CSMD2: variants seen among roughly 807,000 people sequenced by gnomAD.
CSMD2 encodes the protein CUB and sushi domain-containing protein 2.
A neutral mutation model predicts 398.5 loss-of-function variants in CSMD2; 130 were observed. That is an observed-to-expected ratio of 0.33 (90% CI 0.28 to 0.38). CSMD2 has a LOEUF of 0.38. CSMD2 is among the 10% of genes least tolerant of loss of function. The pLI is 1.00. For missense variants in CSMD2, 3,829 were observed against 4,764.9 expected, an observed-to-expected ratio of 0.80 and a Z score of 5.78; for synonymous variants, 1,828 against 1,908.5, an observed-to-expected ratio of 0.96 and a Z score of 1.10.
intron 4 of CSMD2, among the ~76,000 whole-genome samples, chr1:33,932,869 C>G (rs1270351286): frequency 2.6e-5 from 4 of 152,190 alleles, no homozygotes; most frequent in African/African-American, 9.7e-5. Flanking sequence ...AAACCAGGCT[C>G]TTGTGCCTAA....
intron 10 of CSMD2, among the ~76,000 whole-genome samples, chr1:33,799,130 T>C (rs1348270908): frequency 6.6e-6 from 1 of 152,248 alleles, no homozygotes; most frequent in Non-Finnish European, 1.5e-5. Flanking sequence ...ACCAAATCTG[T>C]CCTATAGCCT....
intron 10 of CSMD2, among the ~76,000 whole-genome samples, chr1:33,806,898 A>G (rs145517032): frequency 4.1e-4 from 62 of 152,330 alleles, no homozygotes; most frequent in African/African-American, 1.4e-3. Context: ...AGAAAGATGA[A>G]CATATCTTGT....
chr1:33,928,077 T>A (rs1157629334), intron 4 of CSMD2, among the ~76,000 whole-genome samples: 1 of 152,192 alleles, frequency 6.6e-6, no homozygotes, highest in African/African-American at 2.4e-5. Flanking sequence ...CCCTGAACCA[T>A]CAGGCTGGAG....
Position 33,533,315 on chromosome 1 carries a change from A to C in CSMD2, c.9992-86T>G. 2.5e-6 allele frequency: 3 copies of C among 1,201,902 alleles called. No homozygotes were observed. The highest frequency in any genetic ancestry group is 1.5e-5 in the African/African-American group (1 of 65,692). 74.5% of individuals were successfully genotyped at this position (1,201,902 alleles called of 1,614,324 possible). A position where few individuals can be genotyped will look rare whatever the true frequency, so the allele number is the denominator to read the frequency against. ...GACCATTCCCCTGTTCCTAGATAGAATATCCTCTTCCTTTCCCTTCCAGTC... is the reference window on the plus strand; with the variant it reads ...GACCATTCCCCTGTTCCTAGATAGACTATCCTCTTCCTTTCCCTTCCAGTC... On this transcript the variant is annotated intron_variant, in intron 63 of 70. Transcript: ENST00000373381. This position sits in a 1 kb window ranked among gnomAD's most constrained non-coding sequence, Gnocchi z 4.2.
chr1:34,102,602 T>TGCTGG (rs1558390301), intron 1 of CSMD2, among the ~76,000 whole-genome samples: 1 of 81,864 alleles, frequency 1.2e-5, no homozygotes, highest in Admixed American at 1.5e-4. Context: ...AATCCGGCCA[T>TGCTGG]ATCCCTGTGA....
chr1:33,940,235 T>C (rs187847622), intron 3 of CSMD2, among the ~76,000 whole-genome samples: 80 of 152,212 alleles, frequency 5.3e-4, no homozygotes, highest in African/African-American at 1.9e-3. Context: ...ATGTCCCTTT[T>C]TTATAAGGAC....
At chr1:33,743,237 ACACT>A (rs1647143530) in intron 14 of CSMD2, 39 bp downstream of exon 14, 2 of 1,507,566 alleles carry the variant, frequency 1.3e-6, no homozygotes, top group African/African-American at 2.8e-5. Context: ...TCAGAGGCAG[ACACT>A]CAGATGGAGG....
intron 48 of CSMD2, among the ~76,000 whole-genome samples, chr1:33,579,853 A>G (rs1271138105): frequency 6.6e-6 from 1 of 151,792 alleles, no homozygotes; most frequent in Non-Finnish European, 1.5e-5. Context: ...TAATTTTTGT[A>G]TTTTTAGTAG....
At chr1:34,007,642 T>C (rs1238931341) in intron 3 of CSMD2, among the ~76,000 whole-genome samples, 1 of 152,162 alleles carries the variant, frequency 6.6e-6, no homozygotes, top group Non-Finnish European at 1.5e-5. Context: ...GATTTATGTA[T>C]AGGAATGTTT....
In CSMD2 at chr1:33,546,937, G is replaced by C. The variant is rs187095660; in HGVS notation, c.8918-718C>G. Among the ~76,000 whole-genome samples, 210 of 151,860 alleles carry C rather than the reference G, an allele frequency of 1.4e-3. 1 individual carries two copies. The highest frequency in any genetic ancestry group is 2.3e-3 in the Non-Finnish European group (155 of 67,938). On this transcript the variant is annotated intron_variant, in intron 56 of 70. Coordinates refer to ENST00000373381, the MANE Select transcript of CSMD2 (RefSeq NM_001281956.2). ...CAAATAATCATTGTACATATTTATG[G>C]GGTAGGAAGTGATGTTTTGATGCAT...
Position 33,698,830 on chromosome 1 carries a change from C to A in CSMD2, c.3848G>T (p.Ser1283Ile), listed in dbSNP as rs760978853. 6.2e-7 allele frequency: 1 copy of A among 1,614,236 alleles called. No individual in the cohort carries two copies. The highest frequency in any genetic ancestry group is 8.5e-7 in the Non-Finnish European group (1 of 1,180,052). The change falls in exon 24 of 71, where the codon AGC (serine) becomes ATC (isoleucine). Residue 1283 changes from serine to isoleucine, a missense_variant. Ser to Ile is a moderately radical substitution (Grantham distance 142, BLOSUM62 -2). This residue lies in a region of CSMD2 where 2,001 missense variants were observed against 2,567.1 expected (regional missense o/e 0.78). Transcript: ENST00000373381. ...SVSFSCDPGY[S>I]LRGSEELLCL... ...CAGCAGCTCCTCACTACCCCGCAGG[C>A]TGTATCCAGGGTCACAGCTGAAGGA...
chr1:33,775,256 C>T (rs1169404430), intron 12 of CSMD2, among the ~76,000 whole-genome samples: 2 of 152,218 alleles, frequency 1.3e-5, no homozygotes, highest in South Asian at 2.1e-4. Flanking sequence ...CAACCCTATG[C>T]TCAGATCACT....
intron 62 of CSMD2, among the ~76,000 whole-genome samples, chr1:33,535,880 C>T (rs142689982): frequency 1.3e-5 from 2 of 152,320 alleles, no homozygotes; most frequent in African/African-American, 4.8e-5. Context: ...CTTCCCTAAC[C>T]ACCTTTCCTA....
At chr1:33,815,844 T>C (rs1184018731) in intron 9 of CSMD2, among the ~76,000 whole-genome samples, 2 of 152,196 alleles carry the variant, frequency 1.3e-5, no homozygotes, top group Admixed American at 6.5e-5. Context: ...ATGGGGCATG[T>C]ACTCTAGTAC....
chr1:33,649,828 T>G (rs1643657765), intron 28 of CSMD2, among the ~76,000 whole-genome samples: 1 of 152,126 alleles, frequency 6.6e-6, no homozygotes, highest in South Asian at 2.1e-4. Flanking sequence ...CTAAGATATA[T>G]AGCAGGGGGA....
At chr1:33,698,364 G>A (rs1214925915) in intron 24 of CSMD2, among the ~76,000 whole-genome samples, 2 of 152,154 alleles carry the variant, frequency 1.3e-5, no homozygotes, top group Non-Finnish European at 2.9e-5. Flanking sequence ...TAAAGTGGGT[G>A]GGAGACTCAT....
At chr1:33,628,358 G>C (rs1290476472) in intron 32 of CSMD2, among the ~76,000 whole-genome samples, 2 of 152,100 alleles carry the variant, frequency 1.3e-5, no homozygotes, top group African/African-American at 4.8e-5. Flanking sequence ...AGAAGACAGA[G>C]AAATTGAAGG....
intron 64 of CSMD2, among the ~76,000 whole-genome samples, chr1:33,532,263 TA>T (rs1655311410): frequency 6.6e-6 from 1 of 152,210 alleles, no homozygotes; most frequent in Non-Finnish European, 1.5e-5. Context: ...CCTCATATAT[TA>T]AATAGCCTCA....
At chr1:33,892,735 G>A (rs930167289) in intron 5 of CSMD2, among the ~76,000 whole-genome samples, 5 of 152,216 alleles carry the variant, frequency 3.3e-5, no homozygotes, top group African/African-American at 1.2e-4. Flanking sequence ...TGGGCACTTA[G>A]GTTGGTTTCT....
Sources: allele counts gnomAD v4.1 joint callset (sites outside exome capture counted in the v4.1 genomes callset), GRCh38; gene constraint gnomAD v4.1.1; regional missense constraint gnomAD v4.1.1; non-coding constraint Gnocchi (gnomAD v3.1); transcripts MANE v1.5; gene names NCBI Gene and HGNC (gene_info 2026-07-23, HGNC 2026-07-21).